The following JMJD1C variants were observed in gnomAD, a reference collection of about 807,000 sequenced individuals.
JMJD1C encodes the protein jumonji domain containing 1C.
A neutral mutation model predicts 245.3 loss-of-function variants in JMJD1C; 31 were observed. The observed-to-expected ratio is 0.13, with a 90% confidence interval of 0.09 to 0.17. JMJD1C has a LOEUF of 0.17. JMJD1C is among the 10% of genes least tolerant of loss of function. The pLI is 1.00. For synonymous variants in JMJD1C, 1,057 were observed against 1,017.4 expected, an observed-to-expected ratio of 1.04 and a Z score of -0.74; for missense variants, 2,691 against 3,000.2, an observed-to-expected ratio of 0.90 and a Z score of 2.41.
At chr10:63,467,372 A>G (rs1953336653), upstream of JMJD1C, among the ~76,000 whole-genome samples, 1 of 152,176 alleles carries the variant, frequency 6.6e-6, no homozygotes, top group Non-Finnish European at 1.5e-5. Flanking sequence ...TTAGCTGGGC[A>G]TGGTGGAGCA....
chr10:63,210,766 A>AG (rs1408230149), intron 8 of JMJD1C, among the ~76,000 whole-genome samples: 5 of 152,228 alleles, frequency 3.3e-5, no homozygotes, highest in Admixed American at 6.5e-5. Context: ...TGAGTACAGT[A>AG]GGGCACTTGG....
chr10:63,375,815 A>G (rs1288405009), intron 2 of JMJD1C, among the ~76,000 whole-genome samples: 1 of 151,992 alleles, frequency 6.6e-6, no homozygotes, highest in African/African-American at 2.4e-5. Context: ...TTAGCCTCCC[A>G]AAGAGCTGGG....
intron 2 of JMJD1C, among the ~76,000 whole-genome samples, chr10:63,265,657 C>G (rs563973875): frequency 6.6e-6 from 1 of 152,012 alleles, no homozygotes; most frequent in Non-Finnish European, 1.5e-5. Flanking sequence ...AAACAAAATT[C>G]CACCATTTTA....
chr10:63,271,471 C>T (rs1220229169), intron 2 of JMJD1C, among the ~76,000 whole-genome samples: 2 of 152,086 alleles, frequency 1.3e-5, no homozygotes, highest in Admixed American at 6.5e-5. Context: ...AGCCACCATG[C>T]CCGGATGTAA....
chr10:63,348,838 T>A (rs929065030), intron 2 of JMJD1C, among the ~76,000 whole-genome samples: 2 of 152,024 alleles, frequency 1.3e-5, no homozygotes, highest in African/African-American at 2.4e-5. Flanking sequence ...CGGTGGCTCA[T>A]GCCTGTAATC....
chr10:63,480,687 G>C (rs746967040), intron 1 of JMJD1C, among the ~76,000 whole-genome samples: 1 of 151,468 alleles, frequency 6.6e-6, no homozygotes, highest in Admixed American at 6.6e-5. Context: ...TATAGATAGA[G>C]GCACCATTTC....
At chr10:63,421,588 C>CAGG (rs1950129915) in intron 1 of JMJD1C, among the ~76,000 whole-genome samples, 1 of 152,144 alleles carries the variant, frequency 6.6e-6, no homozygotes, top group Admixed American at 6.5e-5. Context: ...TTTTGAACTG[C>CAGG]TGTGCTCCTT....
intron 1 of JMJD1C, among the ~76,000 whole-genome samples, chr10:63,437,586 T>C (rs992220375): frequency 1.3e-5 from 2 of 152,228 alleles, no homozygotes; most frequent in African/African-American, 2.4e-5. Flanking sequence ...AAATATGGTA[T>C]ATTGTCTTCC....
rs1845229163 is a variant in JMJD1C, at chr10:63,194,581, C to T, written c.5645-206G>A. 6 of 433,240 alleles carry T rather than the reference C, an allele frequency of 1.4e-5. No homozygotes were observed. In the South Asian group the frequency reaches 2.5e-4, roughly 18 times the overall value. The allele number at this position is 433,240 out of a possible 1,614,324, so 26.8% of individuals were successfully genotyped here. A position where few individuals can be genotyped will look rare whatever the true frequency, so the allele number is the denominator to read the frequency against. The stretch of plus-strand genomic sequence containing the variant: ...CTGAAACAAGTCAGGAAAAACAGTT[C>T]CACCATTTCCTGATTTTATAAAAAC... On this transcript the variant is annotated intron_variant, in intron 13 of 25. Coordinates refer to ENST00000399262, the MANE Select transcript of JMJD1C (RefSeq NM_032776.3).
chr10:63,358,217 TCA>T (rs1945028620), intron 2 of JMJD1C, among the ~76,000 whole-genome samples: 1 of 152,164 alleles, frequency 6.6e-6, no homozygotes, highest in Non-Finnish European at 1.5e-5. Context: ...GAAAATTTTT[TCA>T]CAGATTATAA....
intron 1 of JMJD1C, among the ~76,000 whole-genome samples, chr10:63,506,822 G>T (rs1954733114): frequency 6.6e-6 from 1 of 152,124 alleles, no homozygotes; most frequent in Non-Finnish European, 1.5e-5. Context: ...TTGATGTTGT[G>T]CATTCTACCA....
At chr10:63,324,033 G>A (rs769920688) in intron 2 of JMJD1C, among the ~76,000 whole-genome samples, 19 of 119,502 alleles carry the variant, frequency 1.6e-4, no homozygotes, top group Admixed American at 1.6e-3. Flanking sequence ...TTCATCCTTC[G>A]TCTGCCTTTT....
intron 8 of JMJD1C, 120 bp downstream of exon 8, chr10:63,213,353 G>C: frequency 1.5e-6 from 1 of 670,096 alleles, no homozygotes. Context: ...AAAAACAACC[G>C]AAAAATTCTA....
chr10:63,292,143 G>GTTTTT (rs1396774570), intron 2 of JMJD1C, among the ~76,000 whole-genome samples: 1 of 13,516 alleles, frequency 7.4e-5, no homozygotes. Context: ...TGTAGAGACA[G>GTTTTT]ATTTTTTTTT....
chr10:63,205,858 C>CT (rs1846546562), intron 10 of JMJD1C, among the ~76,000 whole-genome samples: 3 of 152,216 alleles, frequency 2.0e-5, no homozygotes, highest in Admixed American at 2.0e-4. Flanking sequence ...TGGTCTTGCT[C>CT]TGTTGCCCAG....
At chr10:63,368,465 G>T (rs1163335104) in intron 2 of JMJD1C, among the ~76,000 whole-genome samples, 1 of 152,102 alleles carries the variant, frequency 6.6e-6, no homozygotes, top group African/African-American at 2.4e-5. Flanking sequence ...TAAATGACTT[G>T]GAACTCAGAA....
At chr10:63,191,678 A>G (rs1167961706) in intron 16 of JMJD1C, among the ~76,000 whole-genome samples, 1 of 152,076 alleles carries the variant, frequency 6.6e-6, no homozygotes, top group South Asian at 2.1e-4. Context: ...ACTACAGCAA[A>G]GACAGGTAGA....
chr10:63,393,584 C>T (rs1382425748), intron 1 of JMJD1C, among the ~76,000 whole-genome samples: 1 of 152,084 alleles, frequency 6.6e-6, no homozygotes, highest in Non-Finnish European at 1.5e-5. Context: ...GATACCTGCA[C>T]CCCCATTTTA....
At chr10:63,322,824 C>CTT (rs1231707699) in intron 2 of JMJD1C, among the ~76,000 whole-genome samples, 1 of 108,456 alleles carries the variant, frequency 9.2e-6, no homozygotes. Context: ...AAAAAAAAAA[C>CTT]TTTTTTTTTT....
Sources: allele counts gnomAD v4.1 joint callset (sites outside exome capture counted in the v4.1 genomes callset), GRCh38; gene constraint gnomAD v4.1.1; transcripts MANE v1.5; gene names NCBI Gene and HGNC (gene_info 2026-07-23, HGNC 2026-07-21).